The following CDKAL1 variants were observed in gnomAD, a reference collection of about 807,000 sequenced individuals.
CDKAL1 encodes CDKAL1 threonylcarbamoyladenosine tRNA methylthiotransferase.
A neutral mutation model predicts 68.2 loss-of-function variants in CDKAL1; 32 were observed. The observed-to-expected ratio is 0.47, with a 90% confidence interval of 0.35 to 0.63. CDKAL1 has a LOEUF of 0.63. CDKAL1 is among the 30% of genes least tolerant of loss of function. CDKAL1 has a pLI of 0.00. For missense variants in CDKAL1, 606 were observed against 696.7 expected, an observed-to-expected ratio of 0.87 and a Z score of 1.47; for synonymous variants, 234 against 244.3, an observed-to-expected ratio of 0.96 and a Z score of 0.39.
intron 6 of CDKAL1, among the ~76,000 whole-genome samples, chr6:20,755,517 A>T (rs1774130841): frequency 6.6e-6 from 1 of 151,674 alleles, no homozygotes. Context: ...TCCCTGTTTA[A>T]CCTATTTGCC....
At chr6:20,984,483 C>T (rs955444011) in intron 10 of CDKAL1, among the ~76,000 whole-genome samples, 18 of 152,120 alleles carry the variant, frequency 1.2e-4, no homozygotes, top group African/African-American at 3.4e-4. Context: ...CATTCGTGGA[C>T]GGCTTAAGTG....
intron 12 of CDKAL1, among the ~76,000 whole-genome samples, chr6:21,104,514 T>C (rs1773746689): frequency 7.1e-6 from 1 of 140,348 alleles, no homozygotes; most frequent in Non-Finnish European, 1.6e-5. Context: ...AGTAAAACTT[T>C]ATTTAAAAAA....
intron 9 of CDKAL1, among the ~76,000 whole-genome samples, chr6:20,931,562 T>A (rs529128769): frequency 6.6e-6 from 1 of 152,286 alleles, no homozygotes; most frequent in South Asian, 2.1e-4. Context: ...TGTGGTGGCA[T>A]TTGTCTCCGT....
intron 4 of CDKAL1, among the ~76,000 whole-genome samples, chr6:20,617,112 G>A (rs1181216271): frequency 6.6e-6 from 1 of 151,640 alleles, no homozygotes; most frequent in Non-Finnish European, 1.5e-5. Context: ...GTTGATGTCT[G>A]TGCTTTTACT....
At chr6:20,718,266 T>G (rs886147958) in intron 5 of CDKAL1, among the ~76,000 whole-genome samples, 22 of 152,184 alleles carry the variant, frequency 1.4e-4, no homozygotes, top group African/African-American at 5.3e-4. Flanking sequence ...CACTCATGGG[T>G]TCTTCATCAG....
At chr6:20,872,923 G>T (rs1471122732) in intron 9 of CDKAL1, among the ~76,000 whole-genome samples, 1 of 152,186 alleles carries the variant, frequency 6.6e-6, no homozygotes, top group Non-Finnish European at 1.5e-5. Context: ...ACCAAGGATT[G>T]TAGCCTGAGT....
chr6:20,828,662 T>A (rs988149319), intron 8 of CDKAL1, among the ~76,000 whole-genome samples: 1 of 152,206 alleles, frequency 6.6e-6, no homozygotes, highest in African/African-American at 2.4e-5. Flanking sequence ...TTATGATAGA[T>A]TAGCATTAAC....
At chr6:21,159,223 A>G (rs1562080685) in intron 13 of CDKAL1, among the ~76,000 whole-genome samples, 1 of 151,794 alleles carries the variant, frequency 6.6e-6, no homozygotes, top group African/African-American at 2.4e-5. Flanking sequence ...TATTTCCAGG[A>G]TGGAATACAA....
chr6:21,190,618 C>T (rs762185716), intron 13 of CDKAL1, among the ~76,000 whole-genome samples: 1 of 152,174 alleles, frequency 6.6e-6, no homozygotes, highest in Non-Finnish European at 1.5e-5. Context: ...CCACCCGCCT[C>T]GGCCTCCCAA....
At chr6:20,779,420 C>T (rs1385258414) in intron 7 of CDKAL1, among the ~76,000 whole-genome samples, 1 of 152,074 alleles carries the variant, frequency 6.6e-6, no homozygotes, top group East Asian at 1.9e-4. Flanking sequence ...TGACAAAATT[C>T]CCTATATTTG....
chr6:20,722,946 G>A (rs1443297616), intron 5 of CDKAL1, among the ~76,000 whole-genome samples: 5 of 152,076 alleles, frequency 3.3e-5, no homozygotes, highest in African/African-American at 1.2e-4. Context: ...TCCACTTTCT[G>A]CTGAGAGCTG....
intron 15 of CDKAL1, among the ~76,000 whole-genome samples, chr6:21,209,248 G>A (rs535637687): frequency 2.6e-5 from 4 of 152,274 alleles, no homozygotes; most frequent in Non-Finnish European, 1.5e-5. Flanking sequence ...GACTGAGCAG[G>A]CATTTTCCCC....
At chr6:20,545,706 C>T (rs1292354756) in intron 2 of CDKAL1, among the ~76,000 whole-genome samples, 1 of 152,160 alleles carries the variant, frequency 6.6e-6, no homozygotes, top group Non-Finnish European at 1.5e-5. Flanking sequence ...GCTGGGATTA[C>T]AGGCATAAGC....
intron 4 of CDKAL1, among the ~76,000 whole-genome samples, chr6:20,580,433 C>G (rs146215704): frequency 2.0e-5 from 3 of 152,068 alleles, no homozygotes; most frequent in African/African-American, 7.2e-5. Flanking sequence ...TTGTGACATT[C>G]TGCATTTGGG....
chr6:20,977,149 T>A (rs1467071756), intron 10 of CDKAL1, among the ~76,000 whole-genome samples: 1 of 152,206 alleles, frequency 6.6e-6, no homozygotes, highest in African/African-American at 2.4e-5. Context: ...AATGACCTAG[T>A]GTAATTAATA....
chr6:20,833,071 C>T (rs560497307), intron 8 of CDKAL1, among the ~76,000 whole-genome samples: 14 of 152,252 alleles, frequency 9.2e-5, no homozygotes, highest in African/African-American at 1.7e-4. Context: ...CCAGTTTCCA[C>T]GAAAATGCTA....
intron 4 of CDKAL1, among the ~76,000 whole-genome samples, chr6:20,611,147 C>T (rs1371989052): frequency 6.6e-6 from 1 of 152,022 alleles, no homozygotes; most frequent in Non-Finnish European, 1.5e-5. Flanking sequence ...TATTTTTAGC[C>T]TTAGTCATCT....
intron 4 of CDKAL1, among the ~76,000 whole-genome samples, chr6:20,577,720 T>G (rs139533465): frequency 6.6e-6 from 1 of 152,366 alleles, no homozygotes; most frequent in East Asian, 1.9e-4. Flanking sequence ...GTGCTCTGAT[T>G]TGAACAAATT....
At chr6:21,059,326 G>A (rs1300640227) in intron 11 of CDKAL1, among the ~76,000 whole-genome samples, 2 of 152,170 alleles carry the variant, frequency 1.3e-5, no homozygotes, top group East Asian at 3.9e-4. Flanking sequence ...TCACCTCTAG[G>A]AACTCGGTCA....
Sources: allele counts gnomAD v4.1 joint callset (sites outside exome capture counted in the v4.1 genomes callset), GRCh38; gene constraint gnomAD v4.1.1; transcripts MANE v1.5; gene names NCBI Gene and HGNC (gene_info 2026-07-23, HGNC 2026-07-21).